The following RFTN1 variants were observed in gnomAD, a reference collection of about 807,000 sequenced individuals.
The protein encoded by RFTN1 is raftlin, lipid raft linker 1, also known as raftlin.
A neutral mutation model predicts 46.5 loss-of-function variants in RFTN1; 26 were observed. That is an observed-to-expected ratio of 0.56 (90% CI 0.41 to 0.78). RFTN1 has a LOEUF of 0.78. Ranked by LOEUF, RFTN1 falls within the 30% of genes least tolerant of loss-of-function variation. RFTN1 has a pLI of 0.00. For missense variants in RFTN1, 693 were observed against 718.7 expected (o/e 0.96, Z 0.41); for synonymous variants, 261 against 284.2 (o/e 0.92, Z 0.82).
chr3:16,398,647 G>A (rs1285727537), intron 4 of RFTN1, among the ~76,000 whole-genome samples: 5 of 152,140 alleles, frequency 3.3e-5, no homozygotes, highest in Non-Finnish European at 7.3e-5. Context: ...ACCTTCAGGA[G>A]CTCCCAGGTT....
chr3:16,430,221 C>T (rs1253445604), intron 3 of RFTN1, among the ~76,000 whole-genome samples: 2 of 152,258 alleles, frequency 1.3e-5, no homozygotes, highest in East Asian at 3.9e-4. Context: ...AGTAATCCTC[C>T]CACCTCAGCC....
Position 16,338,016 on chromosome 3 carries a change from C to T in RFTN1, c.1147-11140G>A, listed in dbSNP as rs574539746. ...CCACACTGGGTAGATCGTCCTAGCT[C>T]GAGATGTTGCCCTGGCTTCTCCTAA... On this transcript the variant is annotated intron_variant, in intron 7 of 9. Transcript: ENST00000334133. The surrounding 1 kb of genome is among the most constrained non-coding windows in gnomAD (Gnocchi z 5.3). Among the ~76,000 whole-genome samples, 2 of 152,236 alleles carry T rather than the reference C, an allele frequency of 1.3e-5. No homozygotes were observed. Among genetic ancestry groups the T allele is most frequent in the South Asian group, 2.1e-4 (1 of 4,824 alleles).
Position 16,512,335 on chromosome 3 carries a change from G to C in RFTN1, c.-9+1107C>G, listed in dbSNP as rs1264806400. 6.6e-6 allele frequency among the ~76,000 whole-genome samples: 1 copy of C among 152,070 alleles called. No homozygotes were observed. The highest frequency in any genetic ancestry group is 1.5e-5 in the Non-Finnish European group (1 of 68,032). On this transcript the variant is annotated intron_variant, in intron 1 of 9. Transcript: ENST00000334133. This position sits in a 1 kb window ranked among gnomAD's most constrained non-coding sequence, Gnocchi z 4.3. The stretch of plus-strand genomic sequence containing the variant: ...TAGTCTAGTTGAGCGCCCAGCTCCT[G>C]AAACAGCTGTACCGACTACAAGGGT...
chr3:16,389,504 G>C (rs1327218158), intron 4 of RFTN1, among the ~76,000 whole-genome samples: 1 of 151,010 alleles, frequency 6.6e-6, no homozygotes, highest in African/African-American at 2.4e-5. Flanking sequence ...TCGGGGGGGA[G>C]GGAAGGAACA....
chr3:16,501,786 G>T (rs1011268727), intron 1 of RFTN1, among the ~76,000 whole-genome samples: 4 of 152,192 alleles, frequency 2.6e-5, no homozygotes, highest in Non-Finnish European at 5.9e-5. Flanking sequence ...AAACTTAAAA[G>T]TTCAGTAGAG....
rs1212831864 is a variant in RFTN1, at chr3:16,473,933, A to G, written c.145+19792T>C. On this transcript the variant is annotated intron_variant, in intron 2 of 9. Coordinates refer to ENST00000334133, the MANE Select transcript of RFTN1 (RefSeq NM_015150.2). This position sits in a 1 kb window ranked among gnomAD's most constrained non-coding sequence, Gnocchi z 5.3. Reference sequence around the variant, plus strand: ...TGGTCCTGGTGACCTGGGCTGTGCCACATTCCACACTGTTCTATCGTGCAG... The same window carrying G: ...TGGTCCTGGTGACCTGGGCTGTGCCGCATTCCACACTGTTCTATCGTGCAG... Among the ~76,000 whole-genome samples the G allele has an allele frequency of 6.6e-6, 1 of 152,132 alleles. No individual in the cohort carries two copies. The highest frequency in any genetic ancestry group is 6.5e-5 in the Admixed American group (1 of 15,286).
In RFTN1 at chr3:16,437,033, T is replaced by C. The variant is rs116351369; in HGVS notation, c.146-2996A>G. Among the ~76,000 whole-genome samples, 1,497 of 152,312 alleles carry C rather than the reference T, an allele frequency of 9.8e-3. 32 individuals carry two copies. Among genetic ancestry groups the C allele is most frequent in the African/African-American group, 0.034 (1,409 of 41,568 alleles). On this transcript the variant is annotated intron_variant, in intron 2 of 9. Coordinates refer to ENST00000334133, the MANE Select transcript of RFTN1 (RefSeq NM_015150.2). ...ATGAATATTTTCACCATGCTACAAG[T>C]TCCCATGCAAGAAACTGGCAAAATT...
rs1253017669 is a variant in RFTN1, at chr3:16,424,769, T to C, written c.332+9082A>G. 6.6e-6 allele frequency among the ~76,000 whole-genome samples: 1 copy of C among 152,220 alleles called. No homozygotes were observed. Among genetic ancestry groups the C allele is most frequent in the African/African-American group, 2.4e-5 (1 of 41,454 alleles). Reference sequence around the variant, plus strand: ...GGACAGATTTTAGAGACAATCATTATATAAAAATCTCATGAACATTTAAAT... The same window carrying C: ...GGACAGATTTTAGAGACAATCATTACATAAAAATCTCATGAACATTTAAAT... On this transcript the variant is annotated intron_variant, in intron 3 of 9. Coordinates refer to ENST00000334133, the MANE Select transcript of RFTN1 (RefSeq NM_015150.2). The surrounding 1 kb of genome is among the most constrained non-coding windows in gnomAD (Gnocchi z 4.7).
chr3:16,346,093 G>A lies in RFTN1; in HGVS notation c.1146+11839C>T, dbSNP rs1302013221. ...CTCGTCAGATTGAAAAGGTTCCTAT[G>A]ATTTAGGGTCTTCCAGCACCCCTCA... is the stretch of plus-strand genomic sequence containing the variant. On this transcript the variant is annotated intron_variant, in intron 7 of 9. Transcript: ENST00000334133. This position sits in a 1 kb window ranked among gnomAD's most constrained non-coding sequence, Gnocchi z 4.4. The A allele has an allele frequency of 6.6e-6, 1 of 152,104 alleles. No individual in the cohort carries two copies. Among genetic ancestry groups the A allele is most frequent in the East Asian group, 1.9e-4 (1 of 5,180 alleles). 9.4% of individuals were successfully genotyped at this position (152,104 alleles called of 1,614,324 possible).
intron 6 of RFTN1, among the ~76,000 whole-genome samples, chr3:16,369,028 T>C (rs55978704): frequency 0.031 from 4,740 of 152,340 alleles, 105 homozygotes; most frequent in Middle Eastern, 0.088. Context: ...TGCCTGCTGC[T>C]ACTATGATAA....
rs1291434355 is a variant in RFTN1 at position 16,336,307 on chromosome 3, A to C, written c.1147-9431T>G. Among the ~76,000 whole-genome samples, 1 of 152,170 alleles carries C rather than the reference A, an allele frequency of 6.6e-6. No individual in the cohort carries two copies. Among genetic ancestry groups the C allele is most frequent in the Non-Finnish European group, 1.5e-5 (1 of 68,016 alleles). On this transcript the variant is annotated intron_variant, in intron 7 of 9. Transcript: ENST00000334133. This position sits in a 1 kb window ranked among gnomAD's most constrained non-coding sequence, Gnocchi z 6.0. ...CCACTTGGGAAGCCTCTTCTGCCCC[A>C]GGAGATCCCAGTCTAGGGGTGGGGA...
intron 3 of RFTN1, among the ~76,000 whole-genome samples, chr3:16,419,853 T>A (rs2075152553): frequency 6.6e-6 from 1 of 152,128 alleles, no homozygotes; most frequent in African/African-American, 2.4e-5. Flanking sequence ...CCCTTCCCCT[T>A]CTAGCAGAAG....
Position 16,334,436 on chromosome 3 carries a change from G to C in RFTN1, c.1147-7560C>G, listed in dbSNP as rs557955688. 4.6e-5 allele frequency among the ~76,000 whole-genome samples: 7 copies of C among 152,296 alleles called. No individual in the cohort carries two copies. The highest frequency in any genetic ancestry group is 1.7e-4 in the African/African-American group (7 of 41,552). ...GAATTTAACCTACGTATTAAAAAAT[G>C]AGAAATGCACAGAGTTATTCACTGG... On this transcript the variant is annotated intron_variant, in intron 7 of 9. Transcript: ENST00000334133. The surrounding 1 kb of genome is among the most constrained non-coding windows in gnomAD (Gnocchi z 4.3).
chr3:16,345,855 T>TGC lies in RFTN1; in HGVS notation c.1146+12076_1146+12077insGC, dbSNP rs1559843974. On this transcript the variant is annotated intron_variant, in intron 7 of 9. Transcript: ENST00000334133. The surrounding 1 kb of genome is among the most constrained non-coding windows in gnomAD (Gnocchi z 5.2). Reference sequence around the variant, plus strand: ...GCGCGCACGCGCACATGTGCATGTGTATGTGTATAATCTCCTACTGGTTCT... The same window carrying TGC: ...GCGCGCACGCGCACATGTGCATGTGTGCATGTGTATAATCTCCTACTGGTTCT... Among the ~76,000 whole-genome samples, 11,719 of 61,308 alleles carry TGC rather than the reference T, an allele frequency of 0.19. 622 individuals carry two copies. Among genetic ancestry groups the TGC allele is most frequent in the Middle Eastern group, 0.3 (36 of 120 alleles). 40.2% of individuals were successfully genotyped at this position (61,308 alleles called of 152,430 possible). A position where few individuals can be genotyped will look rare whatever the true frequency, so the allele number is the denominator to read the frequency against.
Position 16,424,089 on chromosome 3 carries a change from T to C in RFTN1, c.332+9762A>G, listed in dbSNP as rs2075245170. ...AAACCAGCTGGGGAATTAGCAAAGC[T>C]TCTGGTCCCACAGTGTAGCCATGGG... On this transcript the variant is annotated intron_variant, in intron 3 of 9. Transcript: ENST00000334133. The surrounding 1 kb of genome is among the most constrained non-coding windows in gnomAD (Gnocchi z 4.7). 1.3e-5 allele frequency among the ~76,000 whole-genome samples: 2 copies of C among 152,142 alleles called. No homozygotes were observed. The highest frequency in any genetic ancestry group is 4.1e-4 in the South Asian group (2 of 4,824).
At chr3:16,510,940 G>C (rs2076890670) in intron 1 of RFTN1, among the ~76,000 whole-genome samples, 1 of 152,300 alleles carries the variant, frequency 6.6e-6, no homozygotes, top group Non-Finnish European at 1.5e-5. Context: ...TGTGGAGTAA[G>C]ACATACTCCG....
Position 16,433,034 on chromosome 3 carries a change from T to C in RFTN1, c.332+817A>G, listed in dbSNP as rs559757210. Among the ~76,000 whole-genome samples the C allele has an allele frequency of 2.0e-4, 31 of 152,342 alleles. No individual in the cohort carries two copies. Among genetic ancestry groups the C allele is most frequent in the African/African-American group, 6.3e-4 (26 of 41,586 alleles). ...GAGGAGCTGCTCTGTACTCCCTTTT[T>C]AAAATGTGGCACATGCTGTCATTCC... On this transcript the variant is annotated intron_variant, in intron 3 of 9. Coordinates refer to ENST00000334133, the MANE Select transcript of RFTN1 (RefSeq NM_015150.2). The surrounding 1 kb of genome is among the most constrained non-coding windows in gnomAD (Gnocchi z 4.4).
chr3:16,331,745 A>G (rs2070333610), intron 7 of RFTN1, among the ~76,000 whole-genome samples: 1 of 152,130 alleles, frequency 6.6e-6, no homozygotes, highest in South Asian at 2.1e-4. Flanking sequence ...ATTACTGTCT[A>G]TGGCTGGTAT....
rs1575021222 is a variant in RFTN1 at position 16,334,101 on chromosome 3, G to A, written c.1147-7225C>T. ...AATGGCTTGAACCTAGGAGGCAGAA[G>A]CTGCAGTGAGCCGAGATCGTGCCAC... is the stretch of plus-strand genomic sequence containing the variant. On this transcript the variant is annotated intron_variant, in intron 7 of 9. Coordinates refer to ENST00000334133, the MANE Select transcript of RFTN1 (RefSeq NM_015150.2). This position sits in a 1 kb window ranked among gnomAD's most constrained non-coding sequence, Gnocchi z 4.3. 6.6e-6 allele frequency among the ~76,000 whole-genome samples: 1 copy of A among 152,206 alleles called. No individual in the cohort carries two copies. Among genetic ancestry groups the A allele is most frequent in the Non-Finnish European group, 1.5e-5 (1 of 68,032 alleles).
Sources: gnomAD v4.1 joint callset for allele counts (sites outside exome capture counted in the v4.1 genomes callset) on GRCh38, gnomAD v4.1.1 for gene constraint, Gnocchi (gnomAD v3.1) non-coding constraint, MANE v1.5 for transcripts, NCBI Gene and HGNC (gene_info 2026-07-23, HGNC 2026-07-21) for gene names.